GCSAML: variants seen among roughly 807,000 people sequenced by gnomAD.
The protein encoded by GCSAML is germinal center associated signaling and motility like.
A neutral mutation model predicts 13.0 loss-of-function variants in GCSAML; 9 were observed. The ratio of observed to expected loss-of-function variants is 0.69; its 90% CI spans 0.42 to 1.21. The LOEUF is 1.21. Among genes scored for constraint, GCSAML ranks in the 50% most tolerant of loss-of-function variants. The probability of loss-of-function intolerance (pLI) is 0.00; values close to 1 mark genes in which losing one functional copy is unlikely to be tolerated. For synonymous variants in GCSAML, 37 were observed against 52.9 expected (o/e 0.70, Z 1.31); for missense variants, 143 against 153.4 (o/e 0.93, Z 0.36).
intron 2 of GCSAML, among the ~76,000 whole-genome samples, chr1:247,562,746 C>T (rs777067606): frequency 1.3e-5 from 2 of 152,120 alleles, no homozygotes; most frequent in African/African-American, 2.4e-5. Flanking sequence ...TCCTCCCTAC[C>T]GCCTTTGAAT....
At chr1:247,534,234 C>G (rs1267136142) in intron 2 of GCSAML, among the ~76,000 whole-genome samples, 2 of 152,100 alleles carry the variant, frequency 1.3e-5, no homozygotes, top group East Asian at 1.9e-4. Flanking sequence ...TTCCATGGAG[C>G]CATAGTTTTA....
At chr1:247,512,214 C>T (rs1666064900) in intron 1 of GCSAML, among the ~76,000 whole-genome samples, 1 of 151,888 alleles carries the variant, frequency 6.6e-6, no homozygotes, top group Non-Finnish European at 1.5e-5. Flanking sequence ...TATTTTCATT[C>T]TTTTTTCTAT....
At chr1:247,561,817 T>C (rs1402014487) in intron 2 of GCSAML, among the ~76,000 whole-genome samples, 4 of 152,048 alleles carry the variant, frequency 2.6e-5, no homozygotes, top group African/African-American at 4.8e-5. Flanking sequence ...GCGTGTGTGT[T>C]TAAGGAGGGT....
chr1:247,523,225 A>G (rs11583926), intron 1 of GCSAML, among the ~76,000 whole-genome samples: 85,309 of 151,942 alleles, frequency 0.56, 25,035 homozygotes, highest in East Asian at 0.76. Flanking sequence ...GCAGCGTAAT[A>G]ATCAAGTAAT....
At chr1:247,565,903 T>C in intron 3 of GCSAML, 28 bp from the exon 4 acceptor site, 5 of 1,521,554 alleles carry the variant, frequency 3.3e-6, no homozygotes, top group South Asian at 1.3e-5. Context: ...TTCCTTTCTT[T>C]CTTTTTTTTT....
upstream of GCSAML, among the ~76,000 whole-genome samples, chr1:247,546,029 G>T (rs559915012): frequency 6.6e-6 from 1 of 152,192 alleles, no homozygotes; most frequent in South Asian, 2.1e-4. Flanking sequence ...CCTTGACTGT[G>T]GTGATGGTAG....
At chr1:247,516,004 T>C (rs1290072775) in intron 1 of GCSAML, among the ~76,000 whole-genome samples, 1 of 152,130 alleles carries the variant, frequency 6.6e-6, no homozygotes, top group African/African-American at 2.4e-5. Context: ...ACCAGAATAT[T>C]GTCATTTAGG....
intron 2 of GCSAML, among the ~76,000 whole-genome samples, chr1:247,557,915 A>G (rs1668008215): frequency 2.0e-5 from 3 of 152,262 alleles, no homozygotes; most frequent in Admixed American, 6.5e-5. Context: ...TAACTTACGC[A>G]TAAACTAGTC....
intron 2 of GCSAML, among the ~76,000 whole-genome samples, chr1:247,534,422 G>A (rs6426255): frequency 0.32 from 48,739 of 151,968 alleles, 8,283 homozygotes; most frequent in African/African-American, 0.42. Context: ...ATAAACTTTC[G>A]GTAGTGTTGT....
rs542176003 is a variant in GCSAML, at chr1:247,527,090, C to T, written c.-148+36C>T. 4.4e-6 allele frequency: 2 copies of T among 456,376 alleles called. No homozygotes were observed. The highest frequency in any genetic ancestry group is 1.4e-4 in the East Asian group (2 of 14,380). The allele number at this position is 456,376 out of a possible 1,614,324, so 28.3% of individuals were successfully genotyped here. A position where few individuals can be genotyped will look rare whatever the true frequency, so the allele number is the denominator to read the frequency against. ...CATTTCAAGTGTATTTCCTTGGGTT[C>T]TGGAGAGGATGTCTTCATTTTCTGT... On this transcript the variant is annotated intron_variant, in intron 2 of 5. Transcript: ENST00000366489. This position sits in a 1 kb window ranked among gnomAD's most constrained non-coding sequence, Gnocchi z 4.6.
chr1:247,565,736 T>C, intron 3 of GCSAML, 195 bp from the exon 4 acceptor site: 1 of 543,580 alleles, frequency 1.8e-6, no homozygotes, highest in East Asian at 3.4e-5. Context: ...ATGTTCTTTC[T>C]TGATTTTTTC....
chr1:247,563,604 C>CGTAG lies in GCSAML; in HGVS notation c.104_105insGTAG (p.Phe36Ter). ...TTTCCTTGTAGGCAGGAAATGACTA[C>CGTAG]ATTTGAAAGAAAACTTCAAGATCAA... On this transcript the variant is annotated stop_gained and frameshift_variant, in exon 3 of 5. Transcript: ENST00000366488. LOFTEE classifies it high-confidence loss of function. 6.3e-7 allele frequency: 1 copy of CGTAG among 1,579,322 alleles called. No homozygotes were observed. The highest frequency in any genetic ancestry group is 8.7e-7 in the Non-Finnish European group (1 of 1,149,802).
intron 2 of GCSAML, chr1:247,531,848 T>A: frequency 6.2e-7 from 1 of 1,614,086 alleles, no homozygotes; most frequent in Non-Finnish European, 8.5e-7. Context: ...GCCCGGGCAA[T>A]GTGGCCGTAA....
At position 247,577,603 on chromosome 1, in the gene GCSAML, C is replaced by T. The variant is rs944880059; in HGVS notation, c.*3221C>T. ...TATAGATATACTATAATTTGTTAAT[C>T]TAATCACTGATGGATATGTAGGATA... is the stretch of plus-strand genomic sequence containing the variant. On this transcript the variant is annotated 3_prime_UTR_variant, in exon 5 of 5. Transcript: ENST00000366488. The T allele has an allele frequency of 1.3e-5, 2 of 152,106 alleles. No individual in the cohort carries two copies. The highest frequency in any genetic ancestry group is 2.4e-5 in the African/African-American group (1 of 41,428). The allele number at this position is 152,106 out of a possible 1,614,324, so 9.4% of individuals were successfully genotyped here.
chr1:247,522,834 T>C (rs901736866), intron 1 of GCSAML, among the ~76,000 whole-genome samples: 1 of 151,820 alleles, frequency 6.6e-6, no homozygotes. Context: ...CTTGTTTATC[T>C]GCTGACCTTC....
At chr1:247,512,793 G>T (rs1666085197) in intron 1 of GCSAML, among the ~76,000 whole-genome samples, 1 of 152,132 alleles carries the variant, frequency 6.6e-6, no homozygotes, top group African/African-American at 2.4e-5. Flanking sequence ...GCTGGAGTTT[G>T]CTGGGGGTCC....
intron 2 of GCSAML, chr1:247,528,487 C>T (rs1666777305): frequency 6.6e-6 from 1 of 152,124 alleles, no homozygotes; most frequent in African/African-American, 2.4e-5. Flanking sequence ...ATGATCTCAC[C>T]CATATTTCAT....
intron 1 of GCSAML, chr1:247,525,089 G>A (rs1385783798): frequency 2.6e-5 from 4 of 152,220 alleles, no homozygotes; most frequent in Non-Finnish European, 5.9e-5. Flanking sequence ...CGAATTTGGT[G>A]TCTGAAGGGA....
chr1:247,562,428 G>A (rs1448923605), intron 2 of GCSAML, among the ~76,000 whole-genome samples: 1 of 152,124 alleles, frequency 6.6e-6, no homozygotes, highest in Non-Finnish European at 1.5e-5. Context: ...AGGGCTGGCT[G>A]GGTGCCTGGA....
Sources: allele counts gnomAD v4.1 joint callset (sites outside exome capture counted in the v4.1 genomes callset), GRCh38; gene constraint gnomAD v4.1.1; non-coding constraint Gnocchi (gnomAD v3.1); transcripts MANE v1.5; gene names NCBI Gene and HGNC (gene_info 2026-07-23, HGNC 2026-07-21).